Variants in RUNX3 observed in about 807,000 individuals in gnomAD.
The protein encoded by RUNX3 is RUNX family transcription factor 3, also known as runt-related transcription factor 3.
Under a neutral mutation model 27.7 loss-of-function variants are expected in RUNX3, and 10 were observed. The ratio of observed to expected loss-of-function variants is 0.36; its 90% CI spans 0.22 to 0.61. The LOEUF (loss-of-function observed/expected upper bound fraction) is 0.61, where lower values mean the gene tolerates loss of function less well. RUNX3 is among the 20% of genes least tolerant of loss of function. RUNX3 has a pLI of 0.72. For synonymous variants in RUNX3, 270 were observed against 269.2 expected (o/e 1.00, Z -0.03); for missense variants, 469 against 629.5 (o/e 0.75, Z 2.73).
intron 2 of RUNX3, among the ~76,000 whole-genome samples, chr1:24,953,169 A>T (rs1442540160): frequency 1.3e-5 from 2 of 152,056 alleles, no homozygotes; most frequent in Non-Finnish European, 2.9e-5. Flanking sequence ...GATCGAGACC[A>T]TCCTGGCTAA....
At chr1:24,929,307 C>T (rs1641163560) in intron 1 of RUNX3, 4 of 664,924 alleles carry the variant, frequency 6.0e-6, no homozygotes, top group Non-Finnish European at 1.1e-5. Flanking sequence ...GGGCGCAAAA[C>T]CCCATCCGCC....
At chr1:24,908,184 GAC>G (rs1361371451) in intron 3 of RUNX3, among the ~76,000 whole-genome samples, 6 of 120,492 alleles carry the variant, frequency 5.0e-5, no homozygotes, top group Non-Finnish European at 1.0e-4. Flanking sequence ...GAAGCTCTAC[GAC>G]ACGCGGTGAT....
chr1:24,907,605 T>C lies in RUNX3; in HGVS notation c.545-188A>G, dbSNP rs115572852. ...CTTTCTGAACAGAGAATGGTCGTTA[T>C]GTGCCACCCCACATATCTAAACCTC... On this transcript the variant is annotated intron_variant, in intron 3 of 4. Transcript: ENST00000308873. Among the ~76,000 whole-genome samples the C allele has an allele frequency of 5.3e-5, 8 of 152,298 alleles. No homozygotes were observed. The South Asian group carries it at 1.5e-3, about 28-fold the overall frequency.
At chr1:24,954,063 C>T (rs1320185611) in intron 2 of RUNX3, among the ~76,000 whole-genome samples, 1 of 152,240 alleles carries the variant, frequency 6.6e-6, no homozygotes, top group Non-Finnish European at 1.5e-5. Context: ...CAGGCGGGAG[C>T]CGCCATGCCC....
At chr1:24,919,399 C>CGG in intron 2 of RUNX3, 55 bp from the exon 3 acceptor site, 2 of 1,148,482 alleles carry the variant, frequency 1.7e-6, no homozygotes, top group East Asian at 2.4e-5. Flanking sequence ...TTCCACAATA[C>CGG]CCTGCTCTCC....
upstream of RUNX3, among the ~76,000 whole-genome samples, chr1:24,934,262 G>T (rs1641296280): frequency 6.6e-6 from 1 of 152,222 alleles, no homozygotes; most frequent in South Asian, 2.1e-4. Flanking sequence ...CTGTAGGCCG[G>T]GGGTCCAGCT....
At position 24,904,680 on chromosome 1, in the gene RUNX3, G is replaced by A. The variant is rs1359052977; in HGVS notation, c.704-2014C>T. ...ATGGGGACCGCAGGATACAACGGCA[G>A]GACTGTGCCCCTCAGAGCTCACGCG... On this transcript the variant is annotated intron_variant, in intron 4 of 4. Coordinates refer to ENST00000308873, the MANE Select transcript of RUNX3 (RefSeq NM_004350.3). The surrounding 1 kb of genome is among the most constrained non-coding windows in gnomAD (Gnocchi z 5.7). Among the ~76,000 whole-genome samples the A allele has an allele frequency of 6.6e-6, 1 of 152,174 alleles. No homozygotes were observed. Among genetic ancestry groups the A allele is most frequent in the East Asian group, 1.9e-4 (1 of 5,186 alleles).
At chr1:24,932,575 G>A (rs1044592556), upstream of RUNX3, among the ~76,000 whole-genome samples, 1 of 152,198 alleles carries the variant, frequency 6.6e-6, no homozygotes, top group East Asian at 1.9e-4. Context: ...ATGGCTTTGT[G>A]TCAAACCAAG....
chr1:24,926,368 G>A (rs1425987118), intron 2 of RUNX3, among the ~76,000 whole-genome samples: 1 of 152,210 alleles, frequency 6.6e-6, no homozygotes, highest in Non-Finnish European at 1.5e-5. Context: ...ACCAGTTAAG[G>A]GCACCGTTTG....
chr1:24,930,297 G>A (rs1641196013), upstream of RUNX3: 8 of 952,474 alleles, frequency 8.4e-6, no homozygotes, highest in Non-Finnish European at 8.7e-6. This position sits in a 1 kb window ranked among gnomAD's most constrained non-coding sequence, Gnocchi z 4.1. Context: ...CCGCCCGCGC[G>A]GGGTTAGTAC....
intron 2 of RUNX3, among the ~76,000 whole-genome samples, chr1:24,957,366 A>G (rs1641966615): frequency 6.6e-6 from 1 of 152,036 alleles, no homozygotes; most frequent in East Asian, 1.9e-4. Context: ...CCATCCATCC[A>G]TCCATCCATC....
At chr1:24,908,366 G>T (rs916155438) in intron 3 of RUNX3, among the ~76,000 whole-genome samples, 1 of 152,200 alleles carries the variant, frequency 6.6e-6, no homozygotes, top group Non-Finnish European at 1.5e-5. Flanking sequence ...GAAACTGAGG[G>T]CCAGGTGCAG....
rs1397448086 is a variant in RUNX3 at position 24,907,421 on chromosome 1, C to A, written c.545-4G>T. On this transcript the variant is annotated splice_region_variant and splice_polypyrimidine_tract_variant and intron_variant, in intron 3 of 4. Coordinates refer to ENST00000308873, the MANE Select transcript of RUNX3 (RefSeq NM_004350.3). ...TCCTCCAGCTTCTGCCGGTGCCCTGCAGAGCACAGGAAGCCCATCAGCCGT... is the reference window on the plus strand; with the variant it reads ...TCCTCCAGCTTCTGCCGGTGCCCTGAAGAGCACAGGAAGCCCATCAGCCGT... 1.2e-6 allele frequency: 2 copies of A among 1,610,820 alleles called. No individual in the cohort carries two copies. Among genetic ancestry groups the A allele is most frequent in the Non-Finnish European group, 8.5e-7 (1 of 1,178,078 alleles).
intron 3 of RUNX3, among the ~76,000 whole-genome samples, chr1:24,910,023 G>A (rs549711390): frequency 8.5e-5 from 13 of 152,330 alleles, no homozygotes; most frequent in Admixed American, 5.9e-4. Flanking sequence ...TGGTGGCTAC[G>A]CCTGTAATCC....
At chr1:24,937,760 C>T (rs1354719250) in intron 2 of RUNX3, among the ~76,000 whole-genome samples, 1 of 152,218 alleles carries the variant, frequency 6.6e-6, no homozygotes, top group Non-Finnish European at 1.5e-5. Context: ...AGTGTCAAAC[C>T]GAGGGCCTGG....
chr1:24,943,620 C>T lies in RUNX3; in HGVS notation c.59-13768G>A, dbSNP rs887461439. ...CAGTGCGGAGAGGACCCCCGAAGAT[C>T]TCTGAGGCTAGTCCCCTTGTGTCGG... On this transcript the variant is annotated intron_variant, in intron 2 of 6. Transcript: ENST00000338888. The surrounding 1 kb of genome is among the most constrained non-coding windows in gnomAD (Gnocchi z 4.6). 6.6e-6 allele frequency among the ~76,000 whole-genome samples: 1 copy of T among 152,180 alleles called. No homozygotes were observed. The highest frequency in any genetic ancestry group is 2.4e-5 in the African/African-American group (1 of 41,436).
rs374392050 is a variant in RUNX3, at chr1:24,916,251, G to T, written c.544+2989C>A. 1.9e-4 allele frequency among the ~76,000 whole-genome samples: 29 copies of T among 152,320 alleles called. No homozygotes were observed. In the East Asian group the frequency reaches 5.6e-3, roughly 29 times the overall value. Reference sequence around the variant, plus strand: ...GCCTGTAACAACCTGTGAAGGTTGTGGGGGCACTTCCTGGGGCCAGGCCCC... The same window carrying T: ...GCCTGTAACAACCTGTGAAGGTTGTTGGGGCACTTCCTGGGGCCAGGCCCC... On this transcript the variant is annotated intron_variant, in intron 3 of 4. Transcript: ENST00000308873. The surrounding 1 kb of genome is among the most constrained non-coding windows in gnomAD (Gnocchi z 4.8).
At chr1:24,914,435 C>A (rs889156790) in intron 3 of RUNX3, among the ~76,000 whole-genome samples, 1 of 152,216 alleles carries the variant, frequency 6.6e-6, no homozygotes, top group African/African-American at 2.4e-5. Flanking sequence ...AACAGCCTCG[C>A]GGAATCGCAG....
chr1:24,946,671 T>C (rs771310934), intron 2 of RUNX3, among the ~76,000 whole-genome samples: 10 of 152,112 alleles, frequency 6.6e-5, no homozygotes, highest in Non-Finnish European at 1.3e-4. Flanking sequence ...ATGTCTTAGC[T>C]GCATCCCTGG....
Sources: gnomAD v4.1 joint callset for allele counts (sites outside exome capture counted in the v4.1 genomes callset) on GRCh38, gnomAD v4.1.1 for gene constraint, Gnocchi (gnomAD v3.1) non-coding constraint, MANE v1.5 for transcripts, NCBI Gene and HGNC (gene_info 2026-07-23, HGNC 2026-07-21) for gene names.